PRP4K: variants seen among roughly 807,000 people sequenced by gnomAD.
PRP4K encodes serine/threonine-protein kinase PRP4 homolog.
the PRP4K span, chr6:4,060,679 T>C: frequency 7.2e-7 from 1 of 1,385,584 alleles, no homozygotes; most frequent in Non-Finnish European, 9.9e-7. This position sits in a 1 kb window ranked among gnomAD's most constrained non-coding sequence, Gnocchi z 4.7. Context: ...TCACAGCAGT[T>C]TATTAATGTA....
At chr6:4,062,947 G>GT in the PRP4K span, 12,747 of 152,568 alleles carry the variant, frequency 0.084, 1,028 homozygotes, top group African/African-American at 0.19. This position sits in a 1 kb window ranked among gnomAD's most constrained non-coding sequence, Gnocchi z 4.2. Flanking sequence ...TTCTGGTGAT[G>GT]TTTATGGCTT....
chr6:4,060,557 G>A, the PRP4K span: 3 of 1,613,892 alleles, frequency 1.9e-6, no homozygotes. The surrounding 1 kb of genome is among the most constrained non-coding windows in gnomAD (Gnocchi z 4.7). Flanking sequence ...GTTGGACCCA[G>A]CTAAACGAAT....
chr6:4,031,698 T>C, the PRP4K span: 1 of 1,604,110 alleles, frequency 6.2e-7, no homozygotes, highest in Non-Finnish European at 8.5e-7. Context: ...TAAACATTCC[T>C]CAGAAGAAGA....
the PRP4K span, chr6:4,044,246 A>G: frequency 2.1e-6 from 1 of 476,216 alleles, no homozygotes; most frequent in East Asian, 3.4e-5. Context: ...GAACTCTCAC[A>G]TATTCGTTAC....
chr6:4,052,713 C>T, the PRP4K span: 4 of 1,526,960 alleles, frequency 2.6e-6, no homozygotes, highest in Admixed American at 2.2e-5. Context: ...TAATTTTCTC[C>T]TAAAAGCATG....
the PRP4K span, among the ~76,000 whole-genome samples, chr6:4,059,935 G>A: frequency 3.3e-5 from 5 of 152,272 alleles, no homozygotes; most frequent in Admixed American, 6.5e-5. Context: ...GTGAGCCACC[G>A]CGCCCAGCCC....
At chr6:4,032,867 TGAA>T in the PRP4K span, 8 of 1,206,014 alleles carry the variant, frequency 6.6e-6, no homozygotes, top group South Asian at 2.0e-4. Flanking sequence ...TAAAAATAAA[TGAA>T]GTAGTAATGA....
the PRP4K span, chr6:4,032,600 T>G: frequency 6.2e-7 from 1 of 1,614,002 alleles, no homozygotes; most frequent in East Asian, 2.2e-5. Context: ...AACCACGTGA[T>G]AAATCAAGAA....
chr6:4,034,542 T>A, the PRP4K span, among the ~76,000 whole-genome samples: 1 of 152,152 alleles, frequency 6.6e-6, no homozygotes, highest in Non-Finnish European at 1.5e-5. Context: ...CTGCCCCTTT[T>A]CCTGAAACTG....
chr6:4,030,905 T>C, the PRP4K span, among the ~76,000 whole-genome samples: 76 of 152,324 alleles, frequency 5.0e-4, no homozygotes, highest in African/African-American at 1.8e-3. Context: ...GAGGATGTGT[T>C]TATACTATCA....
the PRP4K span, among the ~76,000 whole-genome samples, chr6:4,030,943 CATTG>C: frequency 4.6e-5 from 7 of 152,184 alleles, no homozygotes; most frequent in African/African-American, 1.7e-4. Flanking sequence ...TACCAATGCA[CATTG>C]ATTGAGTGCT....
At chr6:4,038,019 T>C in the PRP4K span, among the ~76,000 whole-genome samples, 1 of 152,128 alleles carries the variant, frequency 6.6e-6, no homozygotes, top group Non-Finnish European at 1.5e-5. Flanking sequence ...GCATATGTAG[T>C]CAGTAATAGG....
At chr6:4,037,163 C>G in the PRP4K span, among the ~76,000 whole-genome samples, 7 of 151,842 alleles carry the variant, frequency 4.6e-5, no homozygotes, top group African/African-American at 1.7e-4. Flanking sequence ...TATGAATAAC[C>G]TTTAGTAATT....
chr6:4,058,094 C>G, the PRP4K span, among the ~76,000 whole-genome samples: 1 of 152,120 alleles, frequency 6.6e-6, no homozygotes, highest in African/African-American at 2.4e-5. Context: ...CAGCCTTGAA[C>G]CGAACCCCTG....
chr6:4,044,936 C>G, the PRP4K span, among the ~76,000 whole-genome samples: 3 of 150,984 alleles, frequency 2.0e-5, no homozygotes, highest in Admixed American at 6.6e-5. Flanking sequence ...GATCTCAGCT[C>G]ACTGCAAGCT....
At chr6:4,023,906 C>T in the PRP4K span, among the ~76,000 whole-genome samples, 2 of 147,622 alleles carry the variant, frequency 1.4e-5, no homozygotes, top group African/African-American at 5.0e-5. Context: ...TTCACTTTCT[C>T]TCCAGGCTAG....
the PRP4K span, among the ~76,000 whole-genome samples, chr6:4,030,307 G>A: frequency 6.6e-6 from 1 of 152,112 alleles, no homozygotes; most frequent in Non-Finnish European, 1.5e-5. Flanking sequence ...TTTTTTAAAT[G>A]TTAAAGAGAT....
the PRP4K span, among the ~76,000 whole-genome samples, chr6:4,035,111 T>C: frequency 2.6e-5 from 4 of 151,452 alleles, no homozygotes; most frequent in Admixed American, 2.6e-4. Context: ...GTGTTGTTTT[T>C]GTTTTGTTTT....
the PRP4K span, among the ~76,000 whole-genome samples, chr6:4,025,710 G>A: frequency 2.6e-5 from 4 of 152,184 alleles, no homozygotes; most frequent in Non-Finnish European, 5.9e-5. Flanking sequence ...GTTGATAGAA[G>A]TTGATTCCTC....
Sources: gnomAD v4.1 joint callset for allele counts (sites outside exome capture counted in the v4.1 genomes callset) on GRCh38, gnomAD v4.1.1 for gene constraint, Gnocchi (gnomAD v3.1) non-coding constraint, MANE v1.5 for transcripts, NCBI Gene and HGNC (gene_info 2026-07-23, HGNC 2026-07-21) for gene names.